Variants in PHACTR1 observed in about 807,000 individuals in gnomAD.
The protein encoded by PHACTR1 is phosphatase and actin regulator 1, also known as RPEL repeat containing 1.
Under a neutral mutation model 69.2 loss-of-function variants are expected in PHACTR1, and 16 were observed. The ratio of observed to expected loss-of-function variants is 0.23; its 90% confidence interval spans 0.16 to 0.35. The LOEUF is 0.35. Ranked by LOEUF, PHACTR1 falls within the 10% of genes least tolerant of loss-of-function variation. The pLI is 1.00. For missense variants in PHACTR1, 510 were observed against 734.7 expected (o/e 0.69, Z 3.54); for synonymous variants, 312 against 284.5 (o/e 1.10, Z -0.97).
At chr6:13,125,315 G>A (rs1382793082) in intron 5 of PHACTR1, among the ~76,000 whole-genome samples, 2 of 151,782 alleles carry the variant, frequency 1.3e-5, no homozygotes, top group South Asian at 2.1e-4. Context: ...GCTCTAATTT[G>A]TATTTGTATT....
intron 4 of PHACTR1, among the ~76,000 whole-genome samples, chr6:12,861,456 G>A (rs1780932024): frequency 1.3e-5 from 2 of 152,202 alleles, no homozygotes; most frequent in South Asian, 4.1e-4. Flanking sequence ...AGGCATTTTA[G>A]CCATGTGTTG....
rs1774488055 is a variant in PHACTR1 at position 12,807,565 on chromosome 6, T to A, written c.250+57775T>A. On this transcript the variant is annotated intron_variant, in intron 4 of 14. Coordinates refer to ENST00000332995, the MANE Select transcript of PHACTR1 (RefSeq NM_030948.6). ...GCTGATCAGTGCTTATTTCAGATAT[T>A]TTAGTTTGTCAGCAGACTGTTTTGT... Among the ~76,000 whole-genome samples, 4 of 152,204 alleles carry A rather than the reference T, an allele frequency of 2.6e-5. No individual in the cohort carries two copies. In the South Asian group the frequency reaches 8.3e-4, roughly 32 times the overall value.
chr6:12,938,172 C>T (rs1016676839), intron 4 of PHACTR1, among the ~76,000 whole-genome samples: 1 of 152,044 alleles, frequency 6.6e-6, no homozygotes, highest in Non-Finnish European at 1.5e-5. Context: ...TTATTAAGCA[C>T]CTAACAAACA....
Position 12,955,192 on chromosome 6 carries a change from C to CTTTTTTTTTTTTTTTTTTTTT in PHACTR1, c.251-98153_251-98152insTTTTTTTTTTTTTTTTTTTTT, listed in dbSNP as rs1161324144. 1.3e-3 allele frequency among the ~76,000 whole-genome samples: 131 copies of CTTTTTTTTTTTTTTTTTTTTT among 103,284 alleles called. 25 individuals are homozygous for CTTTTTTTTTTTTTTTTTTTTT. The highest frequency in any genetic ancestry group is 6.4e-3 in the African/African-American group (125 of 19,518). 67.8% of individuals were successfully genotyped at this position (103,284 alleles called of 152,430 possible). A position where few individuals can be genotyped will look rare whatever the true frequency, so the allele number is the denominator to read the frequency against. On this transcript the variant is annotated intron_variant, in intron 4 of 14. Coordinates refer to ENST00000332995, the MANE Select transcript of PHACTR1 (RefSeq NM_030948.6). ...ATCTATGGCTCACATTGTATTTCCTCTTTTTTTTTTTTTTTTTTTTGAGAG... is the reference window on the plus strand; with the variant it reads ...ATCTATGGCTCACATTGTATTTCCTCTTTTTTTTTTTTTTTTTTTTTTTTTTTTTTTTTTTTTTTTTGAGAG...
intron 4 of PHACTR1, among the ~76,000 whole-genome samples, chr6:12,865,071 C>G (rs1490147595): frequency 6.6e-6 from 1 of 152,178 alleles, no homozygotes; most frequent in African/African-American, 2.4e-5. Flanking sequence ...GGTGACCAAC[C>G]CTTCCCAGTT....
chr6:13,006,543 A>G (rs1223448019), intron 4 of PHACTR1, among the ~76,000 whole-genome samples: 1 of 152,160 alleles, frequency 6.6e-6, no homozygotes, highest in Admixed American at 6.5e-5. Flanking sequence ...TGATGTTAGT[A>G]TGATATTTAA....
intron 5 of PHACTR1, among the ~76,000 whole-genome samples, chr6:13,143,415 T>C (rs1822810920): frequency 6.6e-6 from 1 of 152,210 alleles, no homozygotes. Flanking sequence ...ACAACTACTA[T>C]TTATCCACAA....
intron 4 of PHACTR1, among the ~76,000 whole-genome samples, chr6:12,984,774 TG>T (rs1795933697): frequency 2.6e-5 from 3 of 114,090 alleles, no homozygotes; most frequent in African/African-American, 1.4e-4. Context: ...CCGAGCAGTT[TG>T]TTTCATAAGG....
At chr6:13,113,729 A>G (rs1278562606) in intron 5 of PHACTR1, among the ~76,000 whole-genome samples, 1 of 152,232 alleles carries the variant, frequency 6.6e-6, no homozygotes, top group Non-Finnish European at 1.5e-5. Context: ...TCGGGCTTCT[A>G]TCTCACCGAT....
chr6:13,099,501 C>T (rs1176946341), intron 5 of PHACTR1, among the ~76,000 whole-genome samples: 1 of 152,170 alleles, frequency 6.6e-6, no homozygotes, highest in Non-Finnish European at 1.5e-5. Context: ...GGGACAGGCT[C>T]CCATTCCCAT....
intron 5 of PHACTR1, among the ~76,000 whole-genome samples, chr6:13,073,331 ATTTTTTTTTTTTT>A (rs10664160): frequency 0.01 from 659 of 65,720 alleles, 2 homozygotes; most frequent in Middle Eastern, 0.034. Flanking sequence ...CATTCCATGA[ATTTTTTTTTTTTT>A]TTTTTTTTTT....
chr6:13,258,980 C>T (rs899757781), intron 10 of PHACTR1, among the ~76,000 whole-genome samples: 1 of 152,334 alleles, frequency 6.6e-6, no homozygotes, highest in African/African-American at 2.4e-5. Flanking sequence ...ATAATACACG[C>T]AGGGATGGTT....
intron 10 of PHACTR1, among the ~76,000 whole-genome samples, chr6:13,235,447 G>C (rs1771842240): frequency 6.6e-6 from 1 of 152,152 alleles, no homozygotes; most frequent in African/African-American, 2.4e-5. Flanking sequence ...ATTAGACACA[G>C]AGCCATGCTT....
intron 4 of PHACTR1, among the ~76,000 whole-genome samples, chr6:12,845,659 C>G (rs376809119): frequency 1.3e-5 from 2 of 152,178 alleles, no homozygotes; most frequent in South Asian, 2.1e-4. Context: ...TAATGCATCT[C>G]TTTAGTTTGC....
At chr6:12,806,961 C>T (rs1581841042) in intron 4 of PHACTR1, among the ~76,000 whole-genome samples, 1 of 152,094 alleles carries the variant, frequency 6.6e-6, no homozygotes, top group African/African-American at 2.4e-5. Flanking sequence ...TGAGCAATTA[C>T]CATTTCATGC....
intron 6 of PHACTR1, among the ~76,000 whole-genome samples, chr6:13,169,697 G>C (rs1217035108): frequency 1.3e-5 from 2 of 152,150 alleles, no homozygotes; most frequent in Admixed American, 1.3e-4. Flanking sequence ...ATGAGAAAAA[G>C]ATCAGGAATA....
At chr6:12,835,982 T>C (rs1778116440) in intron 4 of PHACTR1, among the ~76,000 whole-genome samples, 1 of 152,204 alleles carries the variant, frequency 6.6e-6, no homozygotes, top group Non-Finnish European at 1.5e-5. Context: ...AAAAAAAATT[T>C]AAATCCTCAG....
chr6:13,013,355 G>A (rs559525836), intron 4 of PHACTR1, among the ~76,000 whole-genome samples: 41 of 152,364 alleles, frequency 2.7e-4, no homozygotes, highest in South Asian at 1.2e-3. Flanking sequence ...CAAGGGCTAC[G>A]GGTTGGACCC....
At chr6:13,156,500 G>A (rs1035656891) in intron 5 of PHACTR1, among the ~76,000 whole-genome samples, 81 of 152,158 alleles carry the variant, frequency 5.3e-4, no homozygotes, top group African/African-American at 2.0e-3. Context: ...TACACTTGGA[G>A]CCCCTAGTAT....
Sources: gnomAD v4.1 joint callset for allele counts (sites outside exome capture counted in the v4.1 genomes callset) on GRCh38, gnomAD v4.1.1 for gene constraint, MANE v1.5 for transcripts, NCBI Gene and HGNC (gene_info 2026-07-23, HGNC 2026-07-21) for gene names.